RPS24: variants seen among roughly 807,000 people sequenced by gnomAD.
RPS24 encodes the protein ribosomal protein S24.
For missense variants in RPS24, 100 were observed against 162.5 expected, an observed-to-expected ratio of 0.62 and a Z score of 2.09; for synonymous variants, 72 against 55.6, an observed-to-expected ratio of 1.30 and a Z score of -1.31.
chr10:78,038,976 A>G (rs562228568), intron 4 of RPS24: 4 of 152,252 alleles, frequency 2.6e-5, no homozygotes, highest in African/African-American at 9.6e-5. Flanking sequence ...AACAGCCTAA[A>G]ATTGTAATGT....
At position 78,049,528 on chromosome 10, in the gene RPS24, C is replaced by T. The variant is rs1480504740; in HGVS notation, c.391-5003C>T. 2.6e-5 allele frequency among the ~76,000 whole-genome samples: 4 copies of T among 152,332 alleles called. No individual in the cohort carries two copies. The East Asian group carries it at 7.7e-4, about 29-fold the overall frequency. On this transcript the variant is annotated intron_variant, in intron 4 of 4. Coordinates refer to the RPS24 transcript ENST00000440692. ...GAGCCTTCAGGGTTGGTGGACACTG[C>T]AGTTTAACAGCGTCTTCGAGGGCCT...
Position 78,033,881 on chromosome 10 carries a change from G to A in RPS24, c.-21G>A. 1.9e-6 allele frequency: 3 copies of A among 1,614,048 alleles called. No individual in the cohort carries two copies. Among genetic ancestry groups the A allele is most frequent in the Non-Finnish European group, 2.5e-6 (3 of 1,179,956 alleles). On this transcript the variant is annotated 5_prime_UTR_variant, in exon 1 of 6. Coordinates refer to ENST00000372360, the MANE Select transcript of RPS24 (RefSeq NM_033022.4). Reference sequence around the variant, plus strand: ...CGTGGTTCTCTTTTCCTCCTTGGCTGTCTGAAGATAGATCGCCATCATGGT... The same window carrying A: ...CGTGGTTCTCTTTTCCTCCTTGGCTATCTGAAGATAGATCGCCATCATGGT...
Position 78,035,530 on chromosome 10 carries a change from C to G in RPS24, c.89C>G (p.Pro30Arg), listed in dbSNP as rs763943045. 1 of 1,614,088 alleles carries G rather than the reference C, an allele frequency of 6.2e-7. No individual in the cohort carries two copies. The highest frequency in any genetic ancestry group is 2.2e-5 in the East Asian group (1 of 44,882). Residue 30 changes from proline (P) to arginine (R), a missense_variant, in exon 3 of 6, where the codon CCC (proline) becomes CGC (arginine). Transcript: ENST00000372360. The stretch of plus-strand genomic sequence containing the variant: ...TTTTAGGTCATTGATGTCCTTCACC[C>G]CGGGAAGGCGACAGTGCCTAAGACA... ...RKQMVIDVLH[P>R]GKATVPKTEI...
downstream of RPS24, among the ~76,000 whole-genome samples, chr10:78,043,904 G>A (rs1214827602): frequency 6.6e-6 from 1 of 152,152 alleles, no homozygotes; most frequent in Non-Finnish European, 1.5e-5. Context: ...TCCTCTTGAA[G>A]TGTCATCAGA....
At chr10:78,038,427 A>G (rs1847922880) in intron 4 of RPS24, 1 of 152,738 alleles carries the variant, frequency 6.5e-6, no homozygotes, top group Non-Finnish European at 1.5e-5. Context: ...CTGGTAATAA[A>G]CTAGTCTGTG....
At chr10:78,049,174 T>C (rs968755274) in intron 4 of RPS24, 4 of 152,212 alleles carry the variant, frequency 2.6e-5, no homozygotes, top group Non-Finnish European at 5.9e-5. Flanking sequence ...ACGCCACCTC[T>C]GACAGCAAGT....
intron 4 of RPS24, chr10:78,038,062 T>C (rs1847914717): frequency 1.1e-6 from 1 of 874,402 alleles, no homozygotes; most frequent in Admixed American, 3.0e-5. Flanking sequence ...TGTTGGCCTT[T>C]GGACGACAGT....
intron 4 of RPS24, among the ~76,000 whole-genome samples, chr10:78,046,679 G>A (rs1218064440): frequency 6.6e-6 from 1 of 152,072 alleles, no homozygotes; most frequent in Non-Finnish European, 1.5e-5. Context: ...TCGGAGGGAA[G>A]TACTATTACC....
chr10:78,038,509 TACTTAATCTC>T (rs959972456), intron 4 of RPS24: 7 of 151,982 alleles, frequency 4.6e-5, no homozygotes, highest in African/African-American at 1.7e-4. Context: ...TGCTTTTTAT[TACTTAATCTC>T]CCAACTTTGT....
At chr10:78,049,539 C>T (rs911638658) in intron 4 of RPS24, among the ~76,000 whole-genome samples, 1 of 152,196 alleles carries the variant, frequency 6.6e-6, no homozygotes, top group Non-Finnish European at 1.5e-5. Flanking sequence ...AGTTTAACAG[C>T]GTCTTCGAGG....
chr10:78,037,130 C>T (rs1180419312), intron 3 of RPS24, 64 bp from the exon 4 acceptor site: 9 of 1,552,456 alleles, frequency 5.8e-6, no homozygotes, highest in Non-Finnish European at 5.2e-6. Flanking sequence ...AGTTTCCCTA[C>T]CAGAGTGGTG....
chr10:78,054,276 T>C (rs1244204244), intron 4 of RPS24, among the ~76,000 whole-genome samples: 1 of 151,902 alleles, frequency 6.6e-6, no homozygotes, highest in Non-Finnish European at 1.5e-5. Flanking sequence ...GGCAGATTGG[T>C]GTGGGGGTTC....
intron 4 of RPS24, among the ~76,000 whole-genome samples, chr10:78,047,398 C>G (rs1366078784): frequency 1.3e-5 from 2 of 152,164 alleles, no homozygotes; most frequent in Admixed American, 1.3e-4. Flanking sequence ...GTGCTGTAGA[C>G]TGCCCCATCC....
At chr10:78,039,776 C>A (rs1044477873) in intron 4 of RPS24, 1 of 205,432 alleles carries the variant, frequency 4.9e-6, no homozygotes, top group Non-Finnish European at 9.9e-6. Context: ...TCATTTAGAG[C>A]ACTCCCATTG....
exon 5 of RPS24, chr10:78,055,169 T>C: frequency 8.1e-7 from 1 of 1,233,350 alleles, no homozygotes; most frequent in Non-Finnish European, 1.0e-6. Context: ...CTCACCCAAA[T>C]GCCAAAGACC....
At chr10:78,053,635 C>T (rs915466731) in intron 4 of RPS24, among the ~76,000 whole-genome samples, 6 of 152,026 alleles carry the variant, frequency 3.9e-5, no homozygotes, top group Non-Finnish European at 7.3e-5. Context: ...TTCTTCAGCT[C>T]CTGAAGGGGA....
chr10:78,041,728 G>A (rs889176136), downstream of RPS24, among the ~76,000 whole-genome samples: 4 of 152,164 alleles, frequency 2.6e-5, no homozygotes, highest in Non-Finnish European at 1.5e-5. Context: ...GCAGGGATGG[G>A]ATGGGATGGG....
In RPS24 at chr10:78,040,600, T is replaced by C. The variant is rs369093905; in HGVS notation, c.*20-15T>C. The C allele has an allele frequency of 1.2e-6, 2 of 1,607,562 alleles. No homozygotes were observed. The highest frequency in any genetic ancestry group is 1.7e-6 in the Non-Finnish European group (2 of 1,174,064). ...AAGGCAGTTGTTGACTAAACTTCTT[T>C]CTCTTGATTCACAGCCGAAGGAGTA... On this transcript the variant is annotated splice_polypyrimidine_tract_variant and intron_variant, in intron 5 of 5. Transcript: ENST00000372360.
At chr10:78,053,642 G>A (rs1848122400) in intron 4 of RPS24, among the ~76,000 whole-genome samples, 1 of 152,300 alleles carries the variant, frequency 6.6e-6, no homozygotes, top group Middle Eastern at 3.4e-3. Flanking sequence ...GCTCCTGAAG[G>A]GGAGAGGAAA....
Sources: gnomAD v4.1 joint callset for allele counts (sites outside exome capture counted in the v4.1 genomes callset) on GRCh38, gnomAD v4.1.1 for gene constraint, MANE v1.5 for transcripts, NCBI Gene and HGNC (gene_info 2026-07-23, HGNC 2026-07-21) for gene names.